The following CPA4 variants were observed in gnomAD, a reference collection of about 807,000 sequenced individuals.
CPA4 encodes carboxypeptidase A3.
In CPA4, 49 loss-of-function variants were observed where a neutral mutation model predicts 54.7. That is an observed-to-expected ratio of 0.90 (90% CI 0.71 to 1.14). CPA4 has a LOEUF of 1.14. CPA4 is among the 50% of genes most tolerant of loss of function. The pLI, the probability that CPA4 is intolerant of heterozygous loss-of-function variation, is 0.00. For synonymous variants in CPA4, 215 were observed against 206.8 expected (o/e 1.04, Z -0.34); for missense variants, 487 against 525.1 (o/e 0.93, Z 0.71).
At chr7:130,301,348 A>G (rs1415683388) in intron 4 of CPA4, among the ~76,000 whole-genome samples, 1 of 152,200 alleles carries the variant, frequency 6.6e-6, no homozygotes, top group African/African-American at 2.4e-5. Context: ...TATAATGTAT[A>G]TATTTGTTCC....
intron 5 of CPA4, among the ~76,000 whole-genome samples, chr7:130,305,497 A>G (rs905608827): frequency 1.2e-4 from 18 of 152,266 alleles, no homozygotes; most frequent in African/African-American, 3.6e-4. Context: ...CTGTTGGGAT[A>G]CCATTTGAGG....
At chr7:130,319,018 C>G (rs1022876238) in intron 10 of CPA4, among the ~76,000 whole-genome samples, 1 of 152,130 alleles carries the variant, frequency 6.6e-6, no homozygotes, top group East Asian at 1.9e-4. Flanking sequence ...AACCTCAGTT[C>G]GTATATGCTA....
rs1367349775 is a variant in CPA4, at chr7:130,305,927, C to T, written c.591+7C>T. ...AATCTGGACGGCAAGGAAGGTCATG[C>T]TGCGTGGTATTAGCCAGGAATGCTG... On this transcript the variant is annotated splice_region_variant and intron_variant, in intron 6 of 10. Transcript: ENST00000222482. The T allele has an allele frequency of 2.5e-6, 4 of 1,607,984 alleles. No individual in the cohort carries two copies. The highest frequency in any genetic ancestry group is 1.1e-5 in the South Asian group (1 of 91,000).
chr7:130,300,712 G>A, intron 3 of CPA4, 104 bp from the exon 4 acceptor site: 3 of 722,660 alleles, frequency 4.2e-6, no homozygotes, highest in Non-Finnish European at 7.5e-6. Flanking sequence ...TTGATATGCT[G>A]AAAGGGCCGC....
chr7:130,308,865 T>TG (rs1343190059), intron 8 of CPA4, among the ~76,000 whole-genome samples: 1 of 150,052 alleles, frequency 6.7e-6, no homozygotes, highest in African/African-American at 2.5e-5. Context: ...TTTTTTTTTT[T>TG]GAGACAGAGT....
chr7:130,294,451 GCCAGGGAAGATTTTC>G (rs1273797756), intron 1 of CPA4, among the ~76,000 whole-genome samples: 1 of 152,212 alleles, frequency 6.6e-6, no homozygotes, highest in East Asian at 1.9e-4. Flanking sequence ...GTGGCAGGTG[GCCAGGGAAGATTTTC>G]CCACAGGCGG....
In CPA4 at chr7:130,322,598, C is replaced by T. The variant is rs1794130234; in HGVS notation, c.1188C>T (p.Asn396=). ...CCTATGGCTTCCTCCTGCCAGCTAA[C>T]CAGATCATCCCCACTGCAGAGGAGA... ...TGTYGFLLPA[N]QIIPTAEETW... The change falls in exon 11 of 11, where the codon AAC becomes AAT. Residue 396 remains asparagine (N), a synonymous_variant. Coordinates refer to ENST00000222482, the MANE Select transcript of CPA4 (RefSeq NM_016352.4). 1 of 1,614,210 alleles carries T rather than the reference C, an allele frequency of 6.2e-7. No homozygotes were observed. Among genetic ancestry groups the T allele is most frequent in the Non-Finnish European group, 8.5e-7 (1 of 1,180,022 alleles).
At chr7:130,314,104 G>C (rs564986324) in intron 10 of CPA4, among the ~76,000 whole-genome samples, 4 of 152,352 alleles carry the variant, frequency 2.6e-5, no homozygotes, top group Admixed American at 6.5e-5. Flanking sequence ...GCTGTGAAAA[G>C]AGCCAGTTGC....
chr7:130,306,724 T>G, intron 6 of CPA4, 63 bp from the exon 7 acceptor site: 1 of 938,132 alleles, frequency 1.1e-6, no homozygotes, highest in Non-Finnish European at 1.7e-6. Flanking sequence ...AGAAGATACA[T>G]GGTTCAGCCC....
intron 7 of CPA4, among the ~76,000 whole-genome samples, chr7:130,307,557 G>A (rs542551871): frequency 7.3e-5 from 11 of 151,708 alleles, no homozygotes; most frequent in Non-Finnish European, 1.3e-4. Flanking sequence ...ACGTGAACCC[G>A]GGAGGCGGAG....
At position 130,310,678 on chromosome 7, in the gene CPA4, C is replaced by A; in HGVS notation, c.794-109C>A. ...GACTAGGTGCTCTGGGCCGTCTCGC[C>A]ATGGCCTGCCCATTCCCAATACCTT... On this transcript the variant is annotated intron_variant, in intron 8 of 10. Coordinates refer to ENST00000222482, the MANE Select transcript of CPA4 (RefSeq NM_016352.4). This position sits in a 1 kb window ranked among gnomAD's most constrained non-coding sequence, Gnocchi z 4.3. The A allele has an allele frequency of 1.0e-6, 1 of 984,448 alleles. No homozygotes were observed. Among genetic ancestry groups the A allele is most frequent in the South Asian group, 1.4e-5 (1 of 69,138 alleles). The allele number at this position is 984,448 out of a possible 1,614,324, so 61.0% of individuals were successfully genotyped here.
At chr7:130,321,626 C>T (rs943863895) in intron 10 of CPA4, among the ~76,000 whole-genome samples, 12 of 152,172 alleles carry the variant, frequency 7.9e-5, no homozygotes, top group South Asian at 2.1e-4. Flanking sequence ...CGCAGTTCCA[C>T]GTGGCTGGTG....
In CPA4 at chr7:130,304,666, C is replaced by A. The variant is rs1213308990; in HGVS notation, c.486+87C>A. The A allele has an allele frequency of 2.6e-5, 22 of 836,446 alleles. No homozygotes were observed. In the South Asian group the frequency reaches 2.7e-4, roughly 10 times the overall value. 51.8% of individuals were successfully genotyped at this position (836,446 alleles called of 1,614,324 possible). On this transcript the variant is annotated intron_variant, in intron 5 of 10. Transcript: ENST00000222482. Reference sequence around the variant, plus strand: ...CCTCTGAAAAGGGTAGCTTTTTGAACTCCTTGACTTCAGGGAGGAAAGCGA... The same window carrying A: ...CCTCTGAAAAGGGTAGCTTTTTGAAATCCTTGACTTCAGGGAGGAAAGCGA...
chr7:130,298,526 T>C (rs1793688604), intron 1 of CPA4, among the ~76,000 whole-genome samples: 2 of 152,248 alleles, frequency 1.3e-5, no homozygotes, highest in Non-Finnish European at 2.9e-5. Flanking sequence ...TTTTGTGTCC[T>C]GCTCTTTCAC....
chr7:130,304,553 G>C lies in CPA4; in HGVS notation c.460G>C (p.Glu154Gln), dbSNP rs1208233552. ...ARRVKIGHSFENRPMYVLKFS... is the reference protein window; with the variant it reads ...ARRVKIGHSFQNRPMYVLKFS... ...GAGGGTGAAGATTGGACATTCGTTT[G>C]AAAACCGGCCGATGTATGTACTGAA... The change falls in exon 5 of 11, where the codon GAA becomes CAA. Residue 154 changes from glutamate (E) to glutamine (Q), a missense_variant. Physicochemically the swap from Glu to Gln is conservative, Grantham distance 29. Coordinates refer to ENST00000222482, the MANE Select transcript of CPA4 (RefSeq NM_016352.4). 6.2e-7 allele frequency: 1 copy of C among 1,612,942 alleles called. No individual in the cohort carries two copies. The highest frequency in any genetic ancestry group is 2.2e-5 in the East Asian group (1 of 44,888).
chr7:130,313,842 G>A (rs927216960), intron 10 of CPA4, among the ~76,000 whole-genome samples: 15 of 152,320 alleles, frequency 9.8e-5, no homozygotes, highest in East Asian at 7.7e-4. Context: ...ACAAGACTTC[G>A]TTGTAAATAC....
In CPA4 at chr7:130,323,769, G is replaced by A. The variant is rs1326542032; in HGVS notation, c.*1093G>A. 3.3e-5 allele frequency: 5 copies of A among 152,176 alleles called. No individual in the cohort carries two copies. The highest frequency in any genetic ancestry group is 1.2e-4 in the African/African-American group (5 of 41,430). The allele number at this position is 152,176 out of a possible 1,614,324, so 9.4% of individuals were successfully genotyped here. ...TGGGCTTACCTCCTCTTTGCCTTTTGAACTCACTTCAAAGATCTAGGCCTC... is the reference window on the plus strand; with the variant it reads ...TGGGCTTACCTCCTCTTTGCCTTTTAAACTCACTTCAAAGATCTAGGCCTC... On this transcript the variant is annotated 3_prime_UTR_variant, in exon 11 of 11. Transcript: ENST00000222482.
intron 1 of CPA4, among the ~76,000 whole-genome samples, chr7:130,297,487 G>A (rs1370999095): frequency 6.6e-6 from 1 of 152,154 alleles, no homozygotes; most frequent in Non-Finnish European, 1.5e-5. Context: ...TGGGTTGGGA[G>A]AAAGGGAACC....
At chr7:130,315,736 T>C (rs1793977892) in intron 10 of CPA4, among the ~76,000 whole-genome samples, 1 of 152,162 alleles carries the variant, frequency 6.6e-6, no homozygotes, top group Non-Finnish European at 1.5e-5. Flanking sequence ...TGGGTAAAAT[T>C]AATTTGCCAG....
Sources: gnomAD v4.1 joint callset for allele counts (sites outside exome capture counted in the v4.1 genomes callset) on GRCh38, gnomAD v4.1.1 for gene constraint, Gnocchi (gnomAD v3.1) non-coding constraint, MANE v1.5 for transcripts, NCBI Gene and HGNC (gene_info 2026-07-23, HGNC 2026-07-21) for gene names.